Variants in ADAMTS17 observed in about 807,000 individuals in gnomAD.
ADAMTS17 encodes ADAM metallopeptidase with thrombospondin type 1 motif 17.
A neutral mutation model predicts 141.5 loss-of-function variants in ADAMTS17; 113 were observed. The observed-to-expected ratio is 0.80, with a 90% CI of 0.69 to 0.93. ADAMTS17 has a LOEUF of 0.93. Ranked by LOEUF, ADAMTS17 falls within the 40% of genes least tolerant of loss-of-function variation. The pLI, the probability that ADAMTS17 is intolerant of heterozygous loss-of-function variation, is 0.00. For missense variants in ADAMTS17, 1,659 were observed against 1,517.9 expected (o/e 1.09, Z -1.54); for synonymous variants, 768 against 630.6 (o/e 1.22, Z -3.27).
chr15:100,153,274 A>G (rs918128931), intron 9 of ADAMTS17, among the ~76,000 whole-genome samples: 17 of 152,144 alleles, frequency 1.1e-4, no homozygotes, highest in Admixed American at 1.1e-3. Context: ...GCCACTGGCA[A>G]CACTCGCCGA....
intron 8 of ADAMTS17, among the ~76,000 whole-genome samples, chr15:100,181,630 C>CG (rs1264883192): frequency 6.6e-6 from 1 of 152,200 alleles, no homozygotes; most frequent in Admixed American, 6.5e-5. Context: ...TGGCCTAGAA[C>CG]GGGGGCCTTA....
intron 3 of ADAMTS17, among the ~76,000 whole-genome samples, chr15:100,325,267 T>C (rs895062600): frequency 6.6e-6 from 1 of 152,192 alleles, no homozygotes; most frequent in African/African-American, 2.4e-5. Context: ...TCCAGAACCC[T>C]GCCAGATTCC....
chr15:100,178,543 T>C (rs2040416011), intron 8 of ADAMTS17, among the ~76,000 whole-genome samples: 1 of 152,172 alleles, frequency 6.6e-6, no homozygotes, highest in Admixed American at 6.5e-5. Flanking sequence ...AAGTTAAGAA[T>C]ACTCTATAAT....
chr15:100,011,494 C>T (rs1262865704), intron 18 of ADAMTS17, among the ~76,000 whole-genome samples: 2 of 151,918 alleles, frequency 1.3e-5, no homozygotes, highest in African/African-American at 4.8e-5. Flanking sequence ...AGATTTTCAA[C>T]ACTTTGCTAT....
intron 8 of ADAMTS17, among the ~76,000 whole-genome samples, chr15:100,171,207 G>A (rs965544905): frequency 2.0e-5 from 3 of 152,166 alleles, no homozygotes; most frequent in African/African-American, 7.2e-5. Context: ...AGGGATGTCC[G>A]ATGGGACAGA....
chr15:100,200,347 C>T (rs575313057), intron 7 of ADAMTS17, among the ~76,000 whole-genome samples: 14 of 152,124 alleles, frequency 9.2e-5, no homozygotes, highest in Admixed American at 2.0e-4. Flanking sequence ...CCTTGGGTGC[C>T]GGCCCCTCTG....
chr15:100,056,079 G>A (rs891051126), intron 15 of ADAMTS17, among the ~76,000 whole-genome samples: 5 of 152,236 alleles, frequency 3.3e-5, no homozygotes, highest in East Asian at 3.9e-4. Flanking sequence ...CAAATTCTAC[G>A]CTCTGTTACA....
intron 18 of ADAMTS17, among the ~76,000 whole-genome samples, chr15:100,014,785 G>A (rs895943947): frequency 1.2e-4 from 18 of 152,058 alleles, no homozygotes; most frequent in South Asian, 2.1e-4. Context: ...CCTACCATAC[G>A]GTCTATCTTG....
At chr15:100,017,045 T>A (rs1405577344) in intron 18 of ADAMTS17, among the ~76,000 whole-genome samples, 1 of 152,122 alleles carries the variant, frequency 6.6e-6, no homozygotes, top group Non-Finnish European at 1.5e-5. Flanking sequence ...TTGCTGTGGC[T>A]GCTATGGGGG....
intron 8 of ADAMTS17, among the ~76,000 whole-genome samples, chr15:100,159,079 TAAAAATA>T (rs1347117848): frequency 6.6e-6 from 1 of 152,086 alleles, no homozygotes; most frequent in African/African-American, 2.4e-5. Flanking sequence ...CTCAAAAAAT[TAAAAATA>T]AAACTACTGC....
At chr15:100,175,113 G>C (rs932605621) in intron 8 of ADAMTS17, among the ~76,000 whole-genome samples, 3 of 152,166 alleles carry the variant, frequency 2.0e-5, no homozygotes, top group Admixed American at 1.3e-4. Context: ...GAAGGGATTC[G>C]ATCTCACATT....
chr15:100,213,602 C>T (rs532611048), intron 7 of ADAMTS17, among the ~76,000 whole-genome samples: 3 of 152,346 alleles, frequency 2.0e-5, no homozygotes, highest in South Asian at 4.1e-4. Context: ...ACTCACCAAA[C>T]AAAACTTGAA....
intron 18 of ADAMTS17, among the ~76,000 whole-genome samples, chr15:100,028,033 T>C (rs1320043548): frequency 6.6e-6 from 1 of 152,140 alleles, no homozygotes; most frequent in Non-Finnish European, 1.5e-5. Context: ...TGACAAGCTG[T>C]ACAGGCAGAG....
chr15:100,058,572 G>A (rs1994009), intron 15 of ADAMTS17, among the ~76,000 whole-genome samples: 80,802 of 152,180 alleles, frequency 0.53, 24,482 homozygotes, highest in Non-Finnish European at 0.69. Flanking sequence ...CACACCTGGA[G>A]ACGGTTATAA....
chr15:100,150,369 CAG>C (rs2039103429), intron 10 of ADAMTS17, among the ~76,000 whole-genome samples: 1 of 152,176 alleles, frequency 6.6e-6, no homozygotes, highest in Admixed American at 6.5e-5. Flanking sequence ...CCCTCAGTAA[CAG>C]ATACCCCTGG....
At chr15:100,300,321 G>T (rs2044985555) in intron 3 of ADAMTS17, among the ~76,000 whole-genome samples, 1 of 152,082 alleles carries the variant, frequency 6.6e-6, no homozygotes, top group Non-Finnish European at 1.5e-5. Flanking sequence ...TTTCCCTTTT[G>T]GCCTAGACCC....
intron 7 of ADAMTS17, among the ~76,000 whole-genome samples, chr15:100,224,025 A>T (rs1210876879): frequency 1.3e-5 from 2 of 151,852 alleles, no homozygotes; most frequent in Admixed American, 1.3e-4. Flanking sequence ...TCTCCTTTTC[A>T]CGTTTTTCTT....
chr15:100,131,957 G>A (rs1216743937), intron 12 of ADAMTS17, 50 bp downstream of exon 12: 1 of 1,613,106 alleles, frequency 6.2e-7, no homozygotes, highest in Admixed American at 1.7e-5. Context: ...AGCTGCTGTT[G>A]GGAAACTCCA....
rs1394752814 is a variant in ADAMTS17, at chr15:100,210,858, T to G, written c.1076-11435A>C. 2.0e-5 allele frequency among the ~76,000 whole-genome samples: 3 copies of G among 152,066 alleles called. No individual in the cohort carries two copies. The East Asian group carries it at 5.8e-4, about 30-fold the overall frequency. ...GGCTCACGCCTGTAATCCCAGCACT[T>G]TGGGCAGCAGAGATGGGCGGATCAC... On this transcript the variant is annotated intron_variant, in intron 7 of 21. Coordinates refer to ENST00000268070, the MANE Select transcript of ADAMTS17 (RefSeq NM_139057.4).
Sources: allele counts gnomAD v4.1 joint callset (sites outside exome capture counted in the v4.1 genomes callset), GRCh38; gene constraint gnomAD v4.1.1; transcripts MANE v1.5; gene names NCBI Gene and HGNC (gene_info 2026-07-23, HGNC 2026-07-21).